SLC1A6: variants seen among roughly 807,000 people sequenced by gnomAD.
The protein encoded by SLC1A6 is excitatory amino acid transporter 4.
SLC1A6 carries 15 observed loss-of-function variants against 42.1 expected under a neutral mutation model. That is an observed-to-expected ratio of 0.36 (90% CI 0.24 to 0.55). The LOEUF (loss-of-function observed/expected upper bound fraction) is 0.55, where lower values mean the gene tolerates loss of function less well. Ranked by LOEUF, SLC1A6 falls within the 20% of genes least tolerant of loss-of-function variation. The pLI is 0.88. For synonymous variants in SLC1A6, 317 were observed against 319.7 expected (o/e 0.99, Z 0.09); for missense variants, 542 against 772.5 (o/e 0.70, Z 3.54).
At chr19:14,993,193 T>C (rs1316491854) in intron 1 of SLC1A6, among the ~76,000 whole-genome samples, 4 of 152,136 alleles carry the variant, frequency 2.6e-5, no homozygotes, top group Non-Finnish European at 5.9e-5. Flanking sequence ...CCCTCCCAAA[T>C]TCAGTCTGCA....
intron 4 of SLC1A6, among the ~76,000 whole-genome samples, chr19:14,966,624 C>T (rs2045576686): frequency 2.0e-5 from 3 of 151,856 alleles, no homozygotes; most frequent in Admixed American, 2.0e-4. Context: ...TGGAACTGAC[C>T]CAAATGCCCA....
chr19:15,008,124 G>T (rs1237943968), intron 1 of SLC1A6, among the ~76,000 whole-genome samples: 1 of 151,602 alleles, frequency 6.6e-6, no homozygotes, highest in East Asian at 1.9e-4. Flanking sequence ...TGGGAGGACT[G>T]CTTGAGCCCA....
At chr19:14,999,656 C>T (rs767302728) in intron 1 of SLC1A6, among the ~76,000 whole-genome samples, 1 of 152,162 alleles carries the variant, frequency 6.6e-6, no homozygotes, top group Non-Finnish European at 1.5e-5. Flanking sequence ...CTGCAAATCT[C>T]TTTCAGCAAT....
At chr19:14,996,567 C>CTTCTTCTTCTTA (rs1214405552) in intron 1 of SLC1A6, among the ~76,000 whole-genome samples, 4 of 150,480 alleles carry the variant, frequency 2.7e-5, no homozygotes, top group Non-Finnish European at 5.9e-5. Flanking sequence ...TCTTGTTCTT[C>CTTCTTCTTCTTA]TTCCTCTTCT....
At chr19:15,002,104 T>C (rs1568302492) in intron 1 of SLC1A6, among the ~76,000 whole-genome samples, 1 of 152,072 alleles carries the variant, frequency 6.6e-6, no homozygotes, top group Non-Finnish European at 1.5e-5. Context: ...TTTTATTTTG[T>C]TTTGAGACAG....
At chr19:14,958,174 G>A (rs1363469397) in intron 6 of SLC1A6, among the ~76,000 whole-genome samples, 1 of 152,152 alleles carries the variant, frequency 6.6e-6, no homozygotes, top group East Asian at 1.9e-4. Context: ...ACTTTGGGAG[G>A]CCGAGGAGGG....
chr19:14,979,050 T>TCACACACACACACACACACA lies in SLC1A6; in HGVS notation c.-8+239_-8+258dup, dbSNP rs56317513. Among the ~76,000 whole-genome samples the TCACACACACACACACACACA allele has an allele frequency of 3.8e-5, 5 of 131,406 alleles. No homozygotes were observed. Among genetic ancestry groups the TCACACACACACACACACACA allele is most frequent in the East Asian group, 2.4e-4 (1 of 4,162 alleles). 86.2% of individuals were successfully genotyped at this position (131,406 alleles called of 152,430 possible). A position where few individuals can be genotyped will look rare whatever the true frequency, so the allele number is the denominator to read the frequency against. Reference sequence around the variant, plus strand: ...CAAATTCAGTCTCTCTCTCTCTCTGTCACACACACACACACACACACACAC... The same window carrying TCACACACACACACACACACA: ...CAAATTCAGTCTCTCTCTCTCTCTGTCACACACACACACACACACACACACACACACACACACACACACAC... On this transcript the variant is annotated intron_variant, in intron 1 of 9. Coordinates refer to ENST00000594383, the MANE Select transcript of SLC1A6 (RefSeq NM_005071.3). The surrounding 1 kb of genome is among the most constrained non-coding windows in gnomAD (Gnocchi z 4.2).
chr19:14,997,997 T>C (rs2045855020), intron 1 of SLC1A6, among the ~76,000 whole-genome samples: 1 of 93,592 alleles, frequency 1.1e-5, no homozygotes, highest in Admixed American at 1.3e-4. Context: ...ATGTACAATA[T>C]GATGTTTGTG....
intron 4 of SLC1A6, among the ~76,000 whole-genome samples, chr19:14,967,136 C>A (rs2045583507): frequency 6.6e-6 from 1 of 152,274 alleles, no homozygotes; most frequent in South Asian, 2.1e-4. Context: ...TGTTCTGACC[C>A]CACCTTAAGG....
chr19:14,972,831 T>G lies in SLC1A6; in HGVS notation c.80A>C (p.Gln27Pro), dbSNP rs574295327. Residue 27 changes from glutamine to proline, a missense_variant, in exon 2 of 10, where the codon CAG (glutamine) becomes CCG (proline). Gln to Pro is a moderately conservative substitution (Grantham distance 76). Transcript: ENST00000594383. ...LGRVGWLQRLQESLQQRALRT... is the reference protein window; with the variant it reads ...LGRVGWLQRLPESLQQRALRT... ...CAGTGCTCTCTGCTGCAGGCTTTCC[T>G]GCAGCCGCTGCAGCCAGCCCACCCG... The G allele has an allele frequency of 1.2e-6, 2 of 1,604,016 alleles. No individual in the cohort carries two copies. Among genetic ancestry groups the G allele is most frequent in the African/African-American group, 1.3e-5 (1 of 74,904 alleles).
At chr19:15,010,436 C>G (rs376139860) in intron 1 of SLC1A6, 1 of 473,298 alleles carries the variant, frequency 2.1e-6, no homozygotes, top group South Asian at 1.6e-5. Flanking sequence ...TGGAAGGTAA[C>G]GGCGAGAGGA....
Position 14,950,395 on chromosome 19 carries a change from T to G in SLC1A6, c.1500-5A>C. 6.5e-7 allele frequency: 1 copy of G among 1,546,918 alleles called. No homozygotes were observed. The highest frequency in any genetic ancestry group is 8.8e-7 in the Non-Finnish European group (1 of 1,139,570). On this transcript the variant is annotated splice_region_variant and splice_polypyrimidine_tract_variant and intron_variant, in intron 9 of 9. Coordinates refer to ENST00000594383, the MANE Select transcript of SLC1A6 (RefSeq NM_005071.3). ...GTCATTGTGCGAAGCCGGTCACTGG[T>G]ACAGGGGAGAAAGAAGCTGCCATTA...
At chr19:14,961,800 A>AATGAACAG in intron 6 of SLC1A6, 1 of 664,418 alleles carries the variant, frequency 1.5e-6, no homozygotes, top group Admixed American at 3.2e-5. Flanking sequence ...AGAATGAATG[A>AATGAACAG]ATGAACAGAT....
chr19:15,002,158 T>G (rs2045875206), intron 1 of SLC1A6, among the ~76,000 whole-genome samples: 1 of 152,064 alleles, frequency 6.6e-6, no homozygotes, highest in Admixed American at 6.6e-5. Context: ...GGTGCGATCA[T>G]AGCTCACTGC....
In SLC1A6 at chr19:14,997,415, C is replaced by T. The variant is rs546741792; in HGVS notation, c.6+13070G>A. 3.3e-5 allele frequency among the ~76,000 whole-genome samples: 5 copies of T among 152,260 alleles called. No individual in the cohort carries two copies. In the South Asian group the frequency reaches 1.0e-3, roughly 32 times the overall value. On this transcript the variant is annotated intron_variant, in intron 1 of 8. Coordinates refer to the SLC1A6 transcript ENST00000430939. The stretch of plus-strand genomic sequence containing the variant: ...ACCTCCTGAGGATGTATCACAGGCA[C>T]TCATTTTTAACTTTGGCAAAATAAA...
intron 1 of SLC1A6, among the ~76,000 whole-genome samples, chr19:14,998,643 T>C (rs189962553): frequency 5.3e-5 from 8 of 152,276 alleles, no homozygotes; most frequent in African/African-American, 1.9e-4. Context: ...TACTTTAGTA[T>C]AGCATCACAT....
In SLC1A6 at chr19:14,991,912, G is replaced by A. The variant is rs560759343; in HGVS notation, c.6+18573C>T. 7.0e-4 allele frequency among the ~76,000 whole-genome samples: 105 copies of A among 150,570 alleles called. 1 individual carries two copies. In the South Asian group the frequency reaches 0.02, roughly 29 times the overall value. ...GTGATCTTGGCTCACTGCAATCTCC[G>A]CCTCCCGGGTTCTAGTGATTCTCCT... is the stretch of plus-strand genomic sequence containing the variant. On this transcript the variant is annotated intron_variant, in intron 1 of 8. Coordinates refer to the SLC1A6 transcript ENST00000430939.
At chr19:14,962,471 C>T in intron 5 of SLC1A6, 126 bp from the exon 6 acceptor site, 5 of 665,828 alleles carry the variant, frequency 7.5e-6, no homozygotes, top group East Asian at 2.6e-5. Context: ...TCTTCATTAT[C>T]GATTATCACT....
exon 1 of SLC1A6, chr19:15,010,562 G>C (rs2045921856): frequency 6.1e-6 from 4 of 653,576 alleles, no homozygotes; most frequent in South Asian, 4.7e-5. Context: ...CCATGTTGCT[G>C]GAAGCAACGG....
Sources: allele counts gnomAD v4.1 joint callset (sites outside exome capture counted in the v4.1 genomes callset), GRCh38; gene constraint gnomAD v4.1.1; non-coding constraint Gnocchi (gnomAD v3.1); transcripts MANE v1.5; gene names NCBI Gene and HGNC (gene_info 2026-07-23, HGNC 2026-07-21).